The following CMSS1 variants were observed in gnomAD, a reference collection of about 807,000 sequenced individuals.
The protein encoded by CMSS1 is protein CMSS1.
Under a neutral mutation model 43.5 loss-of-function variants are expected in CMSS1, and 33 were observed. That is an observed-to-expected ratio of 0.76 (90% CI 0.57 to 1.01). The LOEUF (loss-of-function observed/expected upper bound fraction) is 1.01, where lower values mean the gene tolerates loss of function less well. Among genes scored for constraint, CMSS1 ranks in the 50% least tolerant of loss-of-function variants. CMSS1 has a pLI of 0.00. For missense variants in CMSS1, 313 were observed against 326.4 expected, an observed-to-expected ratio of 0.96 and a Z score of 0.32; for synonymous variants, 115 against 117.2, an observed-to-expected ratio of 0.98 and a Z score of 0.12.
At chr3:99,851,876 T>C (rs764440941) in intron 1 of CMSS1, among the ~76,000 whole-genome samples, 4 of 152,182 alleles carry the variant, frequency 2.6e-5, no homozygotes, top group Non-Finnish European at 5.9e-5. Context: ...ATGAGGAGAA[T>C]TGAGAGACAT....
At chr3:100,076,001 A>C (rs2065844617) in intron 1 of CMSS1, among the ~76,000 whole-genome samples, 2 of 152,144 alleles carry the variant, frequency 1.3e-5, no homozygotes, top group East Asian at 3.9e-4. Context: ...AAACTATGTA[A>C]TTTCTAAGAT....
chr3:99,978,974 CAG>C (rs888831997), intron 1 of CMSS1, among the ~76,000 whole-genome samples: 6 of 152,074 alleles, frequency 3.9e-5, no homozygotes, highest in African/African-American at 1.4e-4. Flanking sequence ...GGTTGGTTAA[CAG>C]ATACAAAATT....
intron 1 of CMSS1, among the ~76,000 whole-genome samples, chr3:99,928,212 C>T (rs1707358161): frequency 6.6e-6 from 1 of 152,220 alleles, no homozygotes; most frequent in Admixed American, 6.5e-5. Context: ...AAATCCTAGG[C>T]AGAATTCCCC....
At chr3:99,934,950 T>C (rs1484636649) in intron 1 of CMSS1, among the ~76,000 whole-genome samples, 2 of 152,208 alleles carry the variant, frequency 1.3e-5, no homozygotes, top group African/African-American at 2.4e-5. Flanking sequence ...GGTGTTCACA[T>C]TGGATTTGTG....
At chr3:100,122,636 C>T (rs1244519986) in intron 1 of CMSS1, among the ~76,000 whole-genome samples, 2 of 152,238 alleles carry the variant, frequency 1.3e-5, no homozygotes, top group Non-Finnish European at 2.9e-5. Flanking sequence ...ACTCTGCTCT[C>T]AACCGCAAAT....
chr3:100,076,867 T>C (rs187206801), intron 1 of CMSS1, among the ~76,000 whole-genome samples: 208 of 152,350 alleles, frequency 1.4e-3, no homozygotes, highest in Admixed American at 2.4e-3. Context: ...TCTGCTATCA[T>C]TTCTTGCCCA....
rs2067163943 is a variant in CMSS1, at chr3:100,178,247, C to T, written c.757-58C>T. On this transcript the variant is annotated intron_variant, in intron 9 of 9. Coordinates refer to ENST00000421999, the MANE Select transcript of CMSS1 (RefSeq NM_032359.4). The stretch of plus-strand genomic sequence containing the variant: ...GGGAGTCCTGATGGTTGAATGTATT[C>T]ACCAAGACCATTTTGGCTTGATCTT... 3 of 1,048,428 alleles carry T rather than the reference C, an allele frequency of 2.9e-6. No individual in the cohort carries two copies. The South Asian group carries it at 4.0e-5, about 14-fold the overall frequency. The allele number at this position is 1,048,428 out of a possible 1,614,324, so 64.9% of individuals were successfully genotyped here. A position where few individuals can be genotyped will look rare whatever the true frequency, so the allele number is the denominator to read the frequency against.
chr3:99,848,323 G>A, intron 1 of CMSS1: 1 of 1,614,150 alleles, frequency 6.2e-7, no homozygotes, highest in Non-Finnish European at 8.5e-7. Flanking sequence ...AGGAAGAGGT[G>A]TGGCTGTTGG....
chr3:100,175,674 A>G lies in CMSS1; in HGVS notation c.668-653A>G, dbSNP rs1256905353. On this transcript the variant is annotated intron_variant, in intron 8 of 9. Coordinates refer to ENST00000421999, the MANE Select transcript of CMSS1 (RefSeq NM_032359.4). ...GGTACTGTTAACACAAGAGACGTGG[A>G]ACAGCTTGGAGCAGAGGCAAGAACT... Among the ~76,000 whole-genome samples the G allele has an allele frequency of 4.6e-5, 7 of 152,296 alleles. No individual in the cohort carries two copies. The East Asian group carries it at 1.2e-3, about 25-fold the overall frequency.
chr3:99,818,459 C>G (rs1217855841), intron 1 of CMSS1, among the ~76,000 whole-genome samples: 1 of 152,182 alleles, frequency 6.6e-6, no homozygotes, highest in East Asian at 1.9e-4. Flanking sequence ...ACTGTTTAGC[C>G]TCCTTTTCCT....
At chr3:99,968,651 G>A (rs955059809) in intron 1 of CMSS1, among the ~76,000 whole-genome samples, 3 of 152,068 alleles carry the variant, frequency 2.0e-5, no homozygotes, top group Non-Finnish European at 4.4e-5. Context: ...GAGTAATACA[G>A]ACATTTAAGA....
At chr3:100,022,595 A>G (rs768938567) in intron 1 of CMSS1, among the ~76,000 whole-genome samples, 2 of 152,322 alleles carry the variant, frequency 1.3e-5, no homozygotes, top group East Asian at 3.9e-4. Flanking sequence ...AAGTACATTC[A>G]TGGAATGGAC....
chr3:100,015,965 C>CT (rs954032137), intron 1 of CMSS1, among the ~76,000 whole-genome samples: 1 of 152,076 alleles, frequency 6.6e-6, no homozygotes, highest in African/African-American at 2.4e-5. Flanking sequence ...GACAGATTGC[C>CT]TTTTTAATTT....
chr3:99,928,555 G>A (rs185079739), intron 1 of CMSS1, among the ~76,000 whole-genome samples: 1 of 152,090 alleles, frequency 6.6e-6, no homozygotes, highest in Non-Finnish European at 1.5e-5. Flanking sequence ...GTAGAAGGGG[G>A]GTATTTCCAA....
At chr3:99,823,142 A>T (rs1223500859) in intron 1 of CMSS1, among the ~76,000 whole-genome samples, 3 of 152,174 alleles carry the variant, frequency 2.0e-5, no homozygotes, top group African/African-American at 7.2e-5. Flanking sequence ...TTTATATATC[A>T]TTATGAAATT....
At chr3:100,053,765 C>A (rs1037168575) in intron 1 of CMSS1, among the ~76,000 whole-genome samples, 3 of 152,180 alleles carry the variant, frequency 2.0e-5, no homozygotes, top group Non-Finnish European at 2.9e-5. Context: ...ACCTGGAAAT[C>A]TATCCAAAGC....
At chr3:100,132,835 A>G (rs995585447) in intron 1 of CMSS1, among the ~76,000 whole-genome samples, 16 of 151,168 alleles carry the variant, frequency 1.1e-4, no homozygotes, top group Admixed American at 4.6e-4. Flanking sequence ...AAAAAAAAAA[A>G]AAAAAGAAAA....
intron 1 of CMSS1, chr3:100,039,747 G>A (rs977785930): frequency 3.3e-5 from 5 of 151,326 alleles, no homozygotes; most frequent in African/African-American, 1.2e-4. Flanking sequence ...CACAGTTAAC[G>A]ACTTTCTTCT....
intron 1 of CMSS1, among the ~76,000 whole-genome samples, chr3:99,842,625 T>C (rs898003731): frequency 2.0e-5 from 3 of 152,134 alleles, no homozygotes; most frequent in Non-Finnish European, 2.9e-5. Context: ...TTTCAAAATA[T>C]TGCCTCAAAT....
Sources: gnomAD v4.1 joint callset for allele counts (sites outside exome capture counted in the v4.1 genomes callset) on GRCh38, gnomAD v4.1.1 for gene constraint, MANE v1.5 for transcripts, NCBI Gene and HGNC (gene_info 2026-07-23, HGNC 2026-07-21) for gene names.